The following CCNY variants were observed in gnomAD, a reference collection of about 807,000 sequenced individuals.
CCNY encodes the protein cyclin Y.
In CCNY, 19 loss-of-function variants were observed where a neutral mutation model predicts 42.8. The ratio of observed to expected loss-of-function variants is 0.44; its 90% CI spans 0.31 to 0.65. The LOEUF (loss-of-function observed/expected upper bound fraction) is 0.65. Ranked by LOEUF, CCNY falls within the 30% of genes least tolerant of loss-of-function variation. The pLI, the probability that CCNY is intolerant of heterozygous loss-of-function variation, is 0.07. For synonymous variants in CCNY, 165 were observed against 162.7 expected, an observed-to-expected ratio of 1.01 and a Z score of -0.11; for missense variants, 370 against 437.3, an observed-to-expected ratio of 0.85 and a Z score of 1.37.
chr10:35,398,541 G>C (rs1157847379), intron 1 of CCNY, among the ~76,000 whole-genome samples: 1 of 152,082 alleles, frequency 6.6e-6, no homozygotes, highest in Non-Finnish European at 1.5e-5. Context: ...ACCAACAGCT[G>C]TGTGTGATTA....
chr10:35,475,310 A>G (rs961501428), intron 1 of CCNY, among the ~76,000 whole-genome samples: 6 of 152,192 alleles, frequency 3.9e-5, no homozygotes, highest in Admixed American at 3.3e-4. Context: ...ACTCCTCGAG[A>G]AGAGCAACTC....
chr10:35,401,525 T>G (rs571765555), intron 1 of CCNY, among the ~76,000 whole-genome samples: 1 of 151,992 alleles, frequency 6.6e-6, no homozygotes, highest in Non-Finnish European at 1.5e-5. Flanking sequence ...TTTTTTTTTT[T>G]CTTAGGAGGT....
intron 1 of CCNY, among the ~76,000 whole-genome samples, chr10:35,422,886 A>G (rs779214701): frequency 8.5e-5 from 13 of 152,170 alleles, no homozygotes; most frequent in Non-Finnish European, 1.6e-4. Flanking sequence ...GCCTTTATAA[A>G]ATTTTTCTCT....
At chr10:35,454,303 GA>G (rs1564417243) in intron 1 of CCNY, among the ~76,000 whole-genome samples, 1 of 152,202 alleles carries the variant, frequency 6.6e-6, no homozygotes. Flanking sequence ...TGTTGTCCTG[GA>G]AGACGCAAAG....
chr10:35,551,656 A>T (rs1841260925), intron 7 of CCNY, among the ~76,000 whole-genome samples: 1 of 152,230 alleles, frequency 6.6e-6, no homozygotes, highest in South Asian at 2.1e-4. Context: ...TGGGAAACTA[A>T]AAAAGACATT....
rs189374743 is a variant in CCNY, at chr10:35,436,297, G to T, written c.155-47107G>T. The stretch of plus-strand genomic sequence containing the variant: ...AATTTCCTGGTGAGCTGATCCTTAT[G>T]GGTCCCCCACCCCTCAGCAGGTATC... On this transcript the variant is annotated intron_variant, in intron 1 of 9. Transcript: ENST00000374704. Among the ~76,000 whole-genome samples the T allele has an allele frequency of 3.6e-4, 55 of 152,326 alleles. 1 individual carries two copies. In the East Asian group the frequency reaches 0.01, roughly 29 times the overall value.
chr10:35,464,458 C>T (rs771272635), intron 1 of CCNY, among the ~76,000 whole-genome samples: 24 of 152,182 alleles, frequency 1.6e-4, no homozygotes, highest in Middle Eastern at 3.4e-3. Context: ...TCACTCCACT[C>T]CTTCAGTAAC....
Position 35,459,368 on chromosome 10 carries a change from T to C in CCNY, c.155-24036T>C, listed in dbSNP as rs536188594. Among the ~76,000 whole-genome samples, 13 of 152,314 alleles carry C rather than the reference T, an allele frequency of 8.5e-5. No individual in the cohort carries two copies. The South Asian group carries it at 2.3e-3, about 27-fold the overall frequency. ...CAGCCCAACACAAATTTGTAAACTTTCTTGAAACATTATGACCTTTTTTTG... is the reference window on the plus strand; with the variant it reads ...CAGCCCAACACAAATTTGTAAACTTCCTTGAAACATTATGACCTTTTTTTG... On this transcript the variant is annotated intron_variant, in intron 1 of 9. Transcript: ENST00000374704.
upstream of CCNY, chr10:35,335,899 GAC>G (rs144039786): frequency 6.6e-3 from 426 of 64,460 alleles, 6 homozygotes; most frequent in African/African-American, 0.018. Flanking sequence ...CTACTTTGGA[GAC>G]ACACACACAC....
intron 1 of CCNY, among the ~76,000 whole-genome samples, chr10:35,355,498 T>G (rs1299371466): frequency 6.6e-6 from 1 of 151,712 alleles, no homozygotes; most frequent in Non-Finnish European, 1.5e-5. Flanking sequence ...GCCAACATTG[T>G]GAAACCCCAT....
At chr10:35,504,212 T>C (rs529833806) in intron 3 of CCNY, among the ~76,000 whole-genome samples, 95 of 151,998 alleles carry the variant, frequency 6.3e-4, no homozygotes, top group Non-Finnish European at 1.2e-3. Flanking sequence ...ACAAGGCGAG[T>C]GTTCACCTCT....
intron 1 of CCNY, among the ~76,000 whole-genome samples, chr10:35,469,885 G>T (rs1031015703): frequency 1.3e-5 from 2 of 150,500 alleles, no homozygotes; most frequent in African/African-American, 2.5e-5. Flanking sequence ...GATAGATAGG[G>T]CAATGGAGAG....
chr10:35,556,764 G>A (rs1255206734), intron 8 of CCNY, among the ~76,000 whole-genome samples: 1 of 152,080 alleles, frequency 6.6e-6, no homozygotes, highest in Non-Finnish European at 1.5e-5. Flanking sequence ...GTGCCAGCCA[G>A]TGACCACAAT....
At chr10:35,500,575 G>A (rs1435828348) in intron 2 of CCNY, among the ~76,000 whole-genome samples, 1 of 152,138 alleles carries the variant, frequency 6.6e-6, no homozygotes, top group Admixed American at 6.5e-5. Context: ...TGATTCCTGG[G>A]GACCTAGGAT....
At chr10:35,495,129 A>G (rs1839980443) in intron 2 of CCNY, among the ~76,000 whole-genome samples, 1 of 152,222 alleles carries the variant, frequency 6.6e-6, no homozygotes, top group South Asian at 2.1e-4. Context: ...CGCATTTCAG[A>G]TAAGGGGTGA....
chr10:35,383,082 G>C (rs142972620), intron 1 of CCNY, among the ~76,000 whole-genome samples: 2 of 152,092 alleles, frequency 1.3e-5, no homozygotes, highest in African/African-American at 4.8e-5. Flanking sequence ...CAAAACCTGC[G>C]TGACCAAGAA....
chr10:35,519,681 G>T (rs950713639), intron 4 of CCNY, among the ~76,000 whole-genome samples: 4 of 151,504 alleles, frequency 2.6e-5, no homozygotes, highest in Non-Finnish European at 1.5e-5. Context: ...GGGCTTCCCT[G>T]ATCCGAAGAC....
intron 3 of CCNY, among the ~76,000 whole-genome samples, chr10:35,279,181 T>C (rs1241060004): frequency 1.4e-5 from 2 of 147,158 alleles, no homozygotes; most frequent in Non-Finnish European, 3.0e-5. Context: ...AGTGGCACAA[T>C]TTTGGCTCAT....
chr10:35,289,809 G>T (rs889809438), intron 3 of CCNY, among the ~76,000 whole-genome samples: 1 of 150,732 alleles, frequency 6.6e-6, no homozygotes, highest in Admixed American at 6.6e-5. Flanking sequence ...AGGAGGTGGA[G>T]GTTGTTTTGC....
Sources: allele counts gnomAD v4.1 joint callset (sites outside exome capture counted in the v4.1 genomes callset), GRCh38; gene constraint gnomAD v4.1.1; transcripts MANE v1.5; gene names NCBI Gene and HGNC (gene_info 2026-07-23, HGNC 2026-07-21).